DNAAF9: variants seen among roughly 807,000 people sequenced by gnomAD.
The protein encoded by DNAAF9 is shulin.
Under a neutral mutation model 167.0 loss-of-function variants are expected in DNAAF9, and 90 were observed. The observed-to-expected ratio is 0.54, with a 90% CI of 0.45 to 0.64. The LOEUF (loss-of-function observed/expected upper bound fraction) is 0.64. Ranked by LOEUF, DNAAF9 falls within the 30% of genes least tolerant of loss-of-function variation. The pLI is 0.00. For missense variants in DNAAF9, 1,315 were observed against 1,442.2 expected (o/e 0.91, Z 1.43); for synonymous variants, 491 against 508.8 (o/e 0.96, Z 0.47).
At chr20:3,401,411 G>A (rs1483781565) in intron 1 of DNAAF9, among the ~76,000 whole-genome samples, 2 of 151,974 alleles carry the variant, frequency 1.3e-5, no homozygotes, top group Non-Finnish European at 2.9e-5. Flanking sequence ...CCAAGGCCAG[G>A]CTGGTCTTGA....
intron 33 of DNAAF9, among the ~76,000 whole-genome samples, chr20:3,258,112 TGCCTC>T (rs2068314439): frequency 1.9e-5 from 2 of 104,456 alleles, no homozygotes; most frequent in South Asian, 2.8e-4. Flanking sequence ...GTGATCCTCT[TGCCTC>T]GGCCTCCCAA....
At chr20:3,327,895 G>C (rs2069741267) in intron 12 of DNAAF9, among the ~76,000 whole-genome samples, 1 of 152,218 alleles carries the variant, frequency 6.6e-6, no homozygotes, top group East Asian at 1.9e-4. Flanking sequence ...GGGCAGGGCA[G>C]AGGGTATACC....
In DNAAF9 at chr20:3,298,125, C is replaced by A; in HGVS notation, c.1833G>T (p.Leu611Phe). The A allele has an allele frequency of 6.2e-7, 1 of 1,613,402 alleles. No individual in the cohort carries two copies. Among genetic ancestry groups the A allele is most frequent in the Non-Finnish European group, 8.5e-7 (1 of 1,179,358 alleles). ...GGAAATGAACTGGGAGGTGAGGAAG[C>A]AATGAGCTTTTGAAGTCTATGAGAA... ...AALLIDFKSS[L>F]LPHLPVHFHG... Residue 611 changes from leucine to phenylalanine, a missense_variant, in exon 22 of 37, where the codon TTG (leucine) becomes TTT (phenylalanine). Leu to Phe is a conservative substitution (Grantham distance 22). Coordinates refer to ENST00000252032, the MANE Select transcript of DNAAF9 (RefSeq NM_001009984.3).
intron 29 of DNAAF9, 71 bp from the exon 30 acceptor site, chr20:3,270,633 G>A: frequency 2.1e-6 from 3 of 1,395,904 alleles, no homozygotes; most frequent in African/African-American, 1.4e-5. Context: ...ACAAACGTGA[G>A]CCCTTGCTCC....
intron 33 of DNAAF9, among the ~76,000 whole-genome samples, 179 bp from the exon 34 acceptor site, chr20:3,256,390 T>C (rs553902052): frequency 6.6e-5 from 10 of 152,172 alleles, no homozygotes; most frequent in Non-Finnish European, 1.3e-4. Context: ...CTCATGCTTG[T>C]GGTCCCAGCT....
intron 6 of DNAAF9, among the ~76,000 whole-genome samples, chr20:3,365,212 T>G (rs899728394): frequency 6.6e-6 from 1 of 152,136 alleles, no homozygotes. Context: ...TAGTCTCAAG[T>G]GATCCTCTTG....
chr20:3,256,556 GAGAC>G (rs1458657919), intron 33 of DNAAF9, among the ~76,000 whole-genome samples: 1 of 152,174 alleles, frequency 6.6e-6, no homozygotes, highest in Non-Finnish European at 1.5e-5. Context: ...GTAAGAGAGA[GAGAC>G]AGAGAGGAAC....
intron 6 of DNAAF9, among the ~76,000 whole-genome samples, chr20:3,369,044 G>A (rs1181523735): frequency 2.0e-5 from 3 of 151,672 alleles, no homozygotes; most frequent in East Asian, 2.0e-4. Flanking sequence ...CAGGAGAATC[G>A]TTTGCACCTG....
chr20:3,297,978 T>C (rs892509865), intron 22 of DNAAF9, 51 bp downstream of exon 22: 7 of 1,454,948 alleles, frequency 4.8e-6, no homozygotes, highest in Non-Finnish European at 6.7e-6. Context: ...TTTAAATTGC[T>C]AGGGGGAAAA....
At chr20:3,282,674 C>T (rs2068783009) in intron 27 of DNAAF9, among the ~76,000 whole-genome samples, 2 of 152,226 alleles carry the variant, frequency 1.3e-5, no homozygotes, top group African/African-American at 4.8e-5. Flanking sequence ...ATTTCATCTA[C>T]TATCACTTCC....
intron 1 of DNAAF9, among the ~76,000 whole-genome samples, chr20:3,392,113 G>GCATTGATTGCACCAC (rs1263800359): frequency 2.6e-5 from 4 of 152,200 alleles, no homozygotes; most frequent in African/African-American, 9.7e-5. Flanking sequence ...GTTCCAGGCT[G>GCATTGATTGCACCAC]CATTGATTGC....
chr20:3,272,497 G>A (rs6051705), intron 29 of DNAAF9, among the ~76,000 whole-genome samples: 29,932 of 152,106 alleles, frequency 0.2, 3,156 homozygotes, highest in African/African-American at 0.25. Flanking sequence ...CTAAAGTGCT[G>A]GGATTACGGG....
Position 3,340,435 on chromosome 20 carries a change from C to CCCA in DNAAF9, c.981+68_981+69insTGG. ...GGAAAAGGTTCTTTTTGTCTAGCTC[C>CCCA]CCCCACCCACCCCACCCCCACAACT... On this transcript the variant is annotated intron_variant, in intron 10 of 36. Coordinates refer to ENST00000252032, the MANE Select transcript of DNAAF9 (RefSeq NM_001009984.3). 7 of 212,126 alleles carry CCCA rather than the reference C, an allele frequency of 3.3e-5. 1 individual carries two copies. The highest frequency in any genetic ancestry group is 6.7e-5 in the South Asian group (1 of 14,988). The allele number at this position is 212,126 out of a possible 1,614,324, so 13.1% of individuals were successfully genotyped here.
At chr20:3,354,582 T>A (rs2083260284) in intron 7 of DNAAF9, among the ~76,000 whole-genome samples, 1 of 152,218 alleles carries the variant, frequency 6.6e-6, no homozygotes, top group South Asian at 2.1e-4. Context: ...TCTCTCAAAA[T>A]TCAGCAGAGG....
intron 20 of DNAAF9, among the ~76,000 whole-genome samples, chr20:3,312,035 C>G (rs1158428844): frequency 6.7e-6 from 1 of 148,636 alleles, no homozygotes; most frequent in African/African-American, 2.5e-5. Flanking sequence ...GTTGCCCAGG[C>G]TGGAGTGCAA....
At chr20:3,273,402 A>C (rs1321525291) in intron 29 of DNAAF9, among the ~76,000 whole-genome samples, 4 of 152,218 alleles carry the variant, frequency 2.6e-5, no homozygotes. Flanking sequence ...TAATTTATAA[A>C]GAACCTTTAG....
Position 3,359,551 on chromosome 20 carries a change from T to C in DNAAF9, c.655A>G (p.Met219Val). The C allele has an allele frequency of 6.2e-7, 1 of 1,612,724 alleles. No individual in the cohort carries two copies. ...SLNLWNVYSK[M>V]DPMSLESLLS... ...AAACTCTCCAGAGACATAGGATCCA[T>C]CTTGCTGTAGACATTCCATAGATTC... The change falls in exon 7 of 37, where the codon ATG (methionine) becomes GTG (valine). Residue 219 changes from methionine (M) to valine (V), a missense_variant. By Grantham distance (21) the Met-to-Val change is conservative (BLOSUM62 1). This residue lies in a region of DNAAF9 where 981 missense variants were observed against 1,012.5 expected (regional missense o/e 0.97). Transcript: ENST00000252032.
intron 29 of DNAAF9, among the ~76,000 whole-genome samples, chr20:3,274,868 G>T (rs920410109): frequency 6.6e-6 from 1 of 152,188 alleles, no homozygotes; most frequent in African/African-American, 2.4e-5. Context: ...CACAAGCCAA[G>T]GCAGCTACAC....
chr20:3,278,246 G>A (rs1424733541), intron 29 of DNAAF9, among the ~76,000 whole-genome samples: 1 of 152,102 alleles, frequency 6.6e-6, no homozygotes, highest in African/African-American at 2.4e-5. Flanking sequence ...AGGGGTGGGA[G>A]GTATTAAGAA....
Sources: gnomAD v4.1 joint callset for allele counts (sites outside exome capture counted in the v4.1 genomes callset) on GRCh38, gnomAD v4.1.1 for gene constraint, gnomAD v4.1.1 regional missense constraint, MANE v1.5 for transcripts, NCBI Gene and HGNC (gene_info 2026-07-23, HGNC 2026-07-21) for gene names.